The following CNTN5 variants were observed in gnomAD, a reference collection of about 807,000 sequenced individuals.
CNTN5 encodes contactin 5, also known as contactin-5.
CNTN5 carries 77 observed loss-of-function variants against 129.1 expected under a neutral mutation model. The observed-to-expected ratio is 0.60, with a 90% CI of 0.50 to 0.72. The LOEUF (loss-of-function observed/expected upper bound fraction) is 0.72, where lower values mean the gene tolerates loss of function less well. CNTN5 is among the 30% of genes least tolerant of loss of function. The probability of loss-of-function intolerance (pLI) is 0.00; values close to 1 mark genes in which losing one functional copy is unlikely to be tolerated. For missense variants in CNTN5, 1,478 were observed against 1,328.8 expected (o/e 1.11, Z -1.75); for synonymous variants, 509 against 465.6 (o/e 1.09, Z -1.20).
chr11:100,173,845 C>T lies in CNTN5; in HGVS notation c.1581-17281C>T, dbSNP rs143447110. On this transcript the variant is annotated intron_variant, in intron 13 of 24. Transcript: ENST00000524871. ...CACAACAGAAGTTACATAAGTAAGA[C>T]GCTGGTCCCTTGCCTGCTCATTCTG... is the stretch of plus-strand genomic sequence containing the variant. Among the ~76,000 whole-genome samples, 170 of 152,174 alleles carry T rather than the reference C, an allele frequency of 1.1e-3. 2 individuals carry two copies. The highest frequency in any genetic ancestry group is 3.4e-3 in the African/African-American group (142 of 41,542).
rs906563089 is a variant in CNTN5, at chr11:99,694,147, G to T, written c.56-125397G>T. Among the ~76,000 whole-genome samples the T allele has an allele frequency of 3.3e-5, 5 of 151,974 alleles. No individual in the cohort carries two copies. In the East Asian group the frequency reaches 9.7e-4, roughly 29 times the overall value. On this transcript the variant is annotated intron_variant, in intron 3 of 24. Coordinates refer to ENST00000524871, the MANE Select transcript of CNTN5 (RefSeq NM_014361.4). ...AGAGAAAGCTAGAAAAAAAAAACAT[G>T]AAATATATCACAATACGGCTCTGAA...
At chr11:99,056,513 C>T (rs963763389) in intron 1 of CNTN5, among the ~76,000 whole-genome samples, 13 of 152,008 alleles carry the variant, frequency 8.6e-5, no homozygotes, top group Non-Finnish European at 1.5e-4. Context: ...GATACTGATG[C>T]TACCCCCAGA....
intron 8 of CNTN5, among the ~76,000 whole-genome samples, chr11:99,996,544 AT>A (rs933770685): frequency 5.7e-4 from 87 of 151,942 alleles, no homozygotes; most frequent in South Asian, 4.2e-4. Flanking sequence ...TCTCTTTATC[AT>A]TTTTTTATAG....
At chr11:100,063,486 C>T (rs1226882028) in intron 10 of CNTN5, among the ~76,000 whole-genome samples, 1 of 151,902 alleles carries the variant, frequency 6.6e-6, no homozygotes, top group Admixed American at 6.6e-5. Context: ...AGCATGTGAA[C>T]TCTTTCTTCA....
chr11:99,787,343 G>T (rs967409674), intron 3 of CNTN5, among the ~76,000 whole-genome samples: 1 of 151,304 alleles, frequency 6.6e-6, no homozygotes, highest in African/African-American at 2.4e-5. Flanking sequence ...ATTAGGACCT[G>T]TTCAACTCTT....
At chr11:99,442,492 A>G (rs1440195217) in intron 2 of CNTN5, among the ~76,000 whole-genome samples, 1 of 152,098 alleles carries the variant, frequency 6.6e-6, no homozygotes, top group Non-Finnish European at 1.5e-5. Context: ...GTTTAAGTAT[A>G]CCTGTGTTAA....
rs540852455 is a variant in CNTN5 at position 99,393,970 on chromosome 11, TAAGC to T, written c.-71+68490_-71+68493del. Among the ~76,000 whole-genome samples the T allele has an allele frequency of 2.4e-3, 369 of 151,814 alleles. 1 individual carries two copies. The highest frequency in any genetic ancestry group is 0.02 in the Middle Eastern group (6 of 294). On this transcript the variant is annotated intron_variant, in intron 2 of 24. Transcript: ENST00000524871. ...AAAATGATTAAAAATTAAAATTACTTAAGCAAGTTCTCAGGCAAATTCTCATTTC... is the reference window on the plus strand; with the variant it reads ...AAAATGATTAAAAATTAAAATTACTTAAGTTCTCAGGCAAATTCTCATTTC...
At chr11:99,584,993 T>G (rs557165470) in intron 3 of CNTN5, among the ~76,000 whole-genome samples, 3 of 152,330 alleles carry the variant, frequency 2.0e-5, no homozygotes, top group Admixed American at 6.5e-5. Flanking sequence ...TTTTGAAGAC[T>G]TGTATCCAAC....
intron 21 of CNTN5, among the ~76,000 whole-genome samples, chr11:100,328,390 C>T (rs951719444): frequency 6.6e-6 from 1 of 152,070 alleles, no homozygotes; most frequent in Non-Finnish European, 1.5e-5. Context: ...TCCCTTCTTG[C>T]AATCCTATGA....
At chr11:99,165,932 A>G (rs1860845109) in intron 1 of CNTN5, among the ~76,000 whole-genome samples, 1 of 152,218 alleles carries the variant, frequency 6.6e-6, no homozygotes, top group Admixed American at 6.5e-5. Context: ...AGAAGTCAAC[A>G]TTAATATTCA....
intron 1 of CNTN5, among the ~76,000 whole-genome samples, chr11:99,258,603 A>C (rs1008286095): frequency 6.6e-6 from 1 of 152,100 alleles, no homozygotes; most frequent in Non-Finnish European, 1.5e-5. Flanking sequence ...TGCAGAGATA[A>C]TAATTAAAAT....
intron 16 of CNTN5, among the ~76,000 whole-genome samples, chr11:100,229,315 T>C (rs1268739591): frequency 6.6e-6 from 1 of 152,196 alleles, no homozygotes; most frequent in African/African-American, 2.4e-5. Flanking sequence ...AAGCCTTCTA[T>C]CATCATAAGA....
chr11:99,918,056 C>T (rs1352190057), intron 7 of CNTN5, among the ~76,000 whole-genome samples: 2 of 152,122 alleles, frequency 1.3e-5, no homozygotes. Flanking sequence ...CTTCTACTCA[C>T]CCCTTTAGTA....
At chr11:99,839,993 G>GA (rs201223027) in intron 4 of CNTN5, among the ~76,000 whole-genome samples, 30 of 150,780 alleles carry the variant, frequency 2.0e-4, no homozygotes, top group African/African-American at 3.2e-4. Context: ...CTGAGTCACA[G>GA]AAAAAAAAAT....
At chr11:99,569,010 G>A (rs1407240523) in intron 3 of CNTN5, among the ~76,000 whole-genome samples, 1 of 152,078 alleles carries the variant, frequency 6.6e-6, no homozygotes, top group Non-Finnish European at 1.5e-5. Context: ...AAGTCTTCAG[G>A]TTGGTGACTA....
intron 3 of CNTN5, among the ~76,000 whole-genome samples, chr11:99,807,013 A>G (rs541046224): frequency 2.8e-4 from 43 of 152,246 alleles, no homozygotes; most frequent in African/African-American, 1.0e-3. Flanking sequence ...ATCAAGGAAA[A>G]CAAATCAGAA....
intron 2 of CNTN5, among the ~76,000 whole-genome samples, chr11:99,359,993 T>C (rs1938989323): frequency 6.6e-6 from 1 of 152,156 alleles, no homozygotes; most frequent in Non-Finnish European, 1.5e-5. Flanking sequence ...TGTATGCCTG[T>C]GTCAAAATAT....
intron 8 of CNTN5, among the ~76,000 whole-genome samples, chr11:99,974,579 A>T (rs1031556604): frequency 1.3e-5 from 2 of 152,212 alleles, no homozygotes; most frequent in African/African-American, 4.8e-5. Context: ...TCACTTCTGC[A>T]AGAAGGAAAG....
intron 9 of CNTN5, among the ~76,000 whole-genome samples, chr11:100,004,748 C>T (rs1940087754): frequency 6.6e-6 from 1 of 152,110 alleles, no homozygotes; most frequent in Non-Finnish European, 1.5e-5. Context: ...ATGGTGTTTC[C>T]AGAACCAGGG....
Sources: gnomAD v4.1 joint callset for allele counts (sites outside exome capture counted in the v4.1 genomes callset) on GRCh38, gnomAD v4.1.1 for gene constraint, MANE v1.5 for transcripts, NCBI Gene and HGNC (gene_info 2026-07-23, HGNC 2026-07-21) for gene names.